HSD17B12: variants seen among roughly 807,000 people sequenced by gnomAD.
The protein encoded by HSD17B12 is very-long-chain 3-oxoacyl-CoA reductase.
In HSD17B12, 32 loss-of-function variants were observed where a neutral mutation model predicts 39.3. The observed-to-expected ratio is 0.81, with a 90% CI of 0.61 to 1.09. The LOEUF is 1.09. Ranked by LOEUF, HSD17B12 falls within the 50% of genes least tolerant of loss-of-function variation. The probability of loss-of-function intolerance (pLI) is 0.00; values close to 1 mark genes in which losing one functional copy is unlikely to be tolerated. For missense variants in HSD17B12, 342 were observed against 382.9 expected, an observed-to-expected ratio of 0.89 and a Z score of 0.89; for synonymous variants, 150 against 146.7, an observed-to-expected ratio of 1.02 and a Z score of -0.16.
At chr11:43,570,662 T>G in the HSD17B12 span, among the ~76,000 whole-genome samples, 1 of 152,324 alleles carries the variant, frequency 6.6e-6, no homozygotes, top group African/African-American at 2.4e-5. Context: ...AGCCTCACAA[T>G]GTTAATTTAG....
At chr11:43,767,155 A>C (rs895157059) in intron 3 of HSD17B12, among the ~76,000 whole-genome samples, 1 of 152,138 alleles carries the variant, frequency 6.6e-6, no homozygotes, top group Non-Finnish European at 1.5e-5. Context: ...TCTTTAAAAC[A>C]GTAAAGGGTC....
chr11:43,687,888 C>A (rs1949816601), intron 1 of HSD17B12, among the ~76,000 whole-genome samples: 1 of 152,180 alleles, frequency 6.6e-6, no homozygotes, highest in South Asian at 2.1e-4. Context: ...TCTAGGTATT[C>A]AGATAAACTC....
chr11:43,788,685 CAAAAA>C (rs57970272), intron 3 of HSD17B12, among the ~76,000 whole-genome samples: 40,894 of 100,748 alleles, frequency 0.41, 6,695 homozygotes, highest in East Asian at 0.66. Context: ...TTTCCTTCCT[CAAAAA>C]AAAAAAAAAA....
chr11:43,765,972 C>T (rs1950591670), intron 3 of HSD17B12, among the ~76,000 whole-genome samples: 1 of 152,046 alleles, frequency 6.6e-6, no homozygotes, highest in Non-Finnish European at 1.5e-5. Context: ...ACTACAGGCG[C>T]CCGCCACTGC....
the HSD17B12 span, among the ~76,000 whole-genome samples, chr11:43,658,206 C>T: frequency 7.2e-5 from 11 of 152,192 alleles, no homozygotes; most frequent in Admixed American, 2.6e-4. Flanking sequence ...GAGGCTTGTG[C>T]GTTCGTCATG....
At chr11:43,719,679 T>C (rs962135905) in intron 1 of HSD17B12, among the ~76,000 whole-genome samples, 2 of 152,054 alleles carry the variant, frequency 1.3e-5, no homozygotes, top group Admixed American at 6.6e-5. Flanking sequence ...CTTTGAGAGT[T>C]GTTCCCTAGT....
chr11:43,747,487 C>T (rs1036498995), intron 1 of HSD17B12, among the ~76,000 whole-genome samples: 2 of 152,128 alleles, frequency 1.3e-5, no homozygotes, highest in East Asian at 3.9e-4. Flanking sequence ...ACAATAAGTT[C>T]TGGAAAGCCA....
At chr11:43,594,682 G>A in the HSD17B12 span, among the ~76,000 whole-genome samples, 10 of 151,990 alleles carry the variant, frequency 6.6e-5, no homozygotes. Flanking sequence ...GAGCTCTCAT[G>A]CTCCTCCTGT....
chr11:43,846,121 C>T (rs754585085), intron 9 of HSD17B12, among the ~76,000 whole-genome samples: 8 of 152,168 alleles, frequency 5.3e-5, no homozygotes, highest in South Asian at 2.1e-4. Context: ...CTTCAACATC[C>T]GGTGATCATC....
At chr11:43,753,102 C>G (rs967556069) in intron 2 of HSD17B12, among the ~76,000 whole-genome samples, 1 of 152,000 alleles carries the variant, frequency 6.6e-6, no homozygotes, top group African/African-American at 2.4e-5. Flanking sequence ...TTTTTTTCCT[C>G]TACTACTATA....
the HSD17B12 span, among the ~76,000 whole-genome samples, chr11:43,608,579 A>G: frequency 6.6e-6 from 1 of 152,196 alleles, no homozygotes; most frequent in South Asian, 2.1e-4. Flanking sequence ...AATTGAGAAT[A>G]GTCTTCCATG....
chr11:43,588,677 A>T, the HSD17B12 span, among the ~76,000 whole-genome samples: 2 of 150,246 alleles, frequency 1.3e-5, no homozygotes, highest in Admixed American at 1.3e-4. Flanking sequence ...GCAATGTCAT[A>T]CAAGGCTTAA....
chr11:43,801,677 G>A (rs1008074814), intron 4 of HSD17B12, among the ~76,000 whole-genome samples: 1 of 130,708 alleles, frequency 7.7e-6, no homozygotes, highest in Admixed American at 7.7e-5. Flanking sequence ...GATTTCAGTA[G>A]AGCTCTGTCC....
intron 1 of HSD17B12, among the ~76,000 whole-genome samples, chr11:43,713,616 T>C (rs1025661830): frequency 6.6e-6 from 1 of 152,224 alleles, no homozygotes; most frequent in Non-Finnish European, 1.5e-5. Flanking sequence ...TATAGCAGCA[T>C]GATTTGTAAT....
At chr11:43,800,827 G>A (rs562594981) in intron 4 of HSD17B12, among the ~76,000 whole-genome samples, 1 of 152,040 alleles carries the variant, frequency 6.6e-6, no homozygotes, top group South Asian at 2.1e-4. Context: ...GTGAACTAGA[G>A]ATACAACAAT....
At chr11:43,800,677 A>G (rs907468456) in intron 4 of HSD17B12, among the ~76,000 whole-genome samples, 2 of 152,188 alleles carry the variant, frequency 1.3e-5, no homozygotes, top group African/African-American at 4.8e-5. Context: ...ATAAATACTG[A>G]TATTTGGACA....
intron 1 of HSD17B12, among the ~76,000 whole-genome samples, chr11:43,716,742 C>CAT (rs34482711): frequency 0.055 from 8,069 of 145,658 alleles, 262 homozygotes; most frequent in Middle Eastern, 0.17. Context: ...ATATATTATA[C>CAT]ATATATATAT....
chr11:43,558,656 C>T, the HSD17B12 span, among the ~76,000 whole-genome samples: 2 of 151,908 alleles, frequency 1.3e-5, no homozygotes, highest in African/African-American at 4.8e-5. Flanking sequence ...GGAAATATGA[C>T]GAGGGTTCTT....
At chr11:43,619,134 T>C in the HSD17B12 span, among the ~76,000 whole-genome samples, 1 of 141,004 alleles carries the variant, frequency 7.1e-6, no homozygotes, top group Non-Finnish European at 1.5e-5. Flanking sequence ...CTTATAAGCT[T>C]TCTCAACAGC....
Sources: gnomAD v4.1 joint callset for allele counts (sites outside exome capture counted in the v4.1 genomes callset) on GRCh38, gnomAD v4.1.1 for gene constraint, MANE v1.5 for transcripts, NCBI Gene and HGNC (gene_info 2026-07-23, HGNC 2026-07-21) for gene names.